Variants in C3 observed in about 807,000 individuals in gnomAD.
C3 encodes the protein complement C3, also known as C3 and PZP-like alpha-2-macroglobulin domain-containing protein 1.
A neutral mutation model predicts 207.9 loss-of-function variants in C3; 97 were observed. The observed-to-expected ratio is 0.47, with a 90% CI of 0.40 to 0.55. C3 has a LOEUF of 0.55. C3 is among the 20% of genes least tolerant of loss of function. C3 has a pLI of 0.00. For missense variants in C3, 1,684 were observed against 2,171.7 expected, an observed-to-expected ratio of 0.78 and a Z score of 4.46; for synonymous variants, 848 against 857.6, an observed-to-expected ratio of 0.99 and a Z score of 0.20.
At chr19:6,699,860 A>G (rs1967607300) in intron 19 of C3, among the ~76,000 whole-genome samples, 1 of 151,576 alleles carries the variant, frequency 6.6e-6, no homozygotes, top group Non-Finnish European at 1.5e-5. Context: ...TTGAAATGAT[A>G]CTATTTTGGG....
chr19:6,704,617 G>A (rs1967736295), intron 17 of C3, among the ~76,000 whole-genome samples: 1 of 152,056 alleles, frequency 6.6e-6, no homozygotes, highest in Non-Finnish European at 1.5e-5. Context: ...AAATTAGCTG[G>A]GTGTGGTGGC....
rs532856069 is a variant in C3, at chr19:6,682,351, G to A, written c.4173-122C>T. ...CTGATTCCCACATAGCAGCACAGAG[G>A]GGCGTTACATTTTTTAGGAAACATT... On this transcript the variant is annotated intron_variant, in intron 33 of 40. Coordinates refer to ENST00000245907, the MANE Select transcript of C3 (RefSeq NM_000064.4). The A allele has an allele frequency of 5.3e-5, 40 of 749,248 alleles. No individual in the cohort carries two copies. The African/African-American group carries it at 6.7e-4, about 13-fold the overall frequency. The allele number at this position is 749,248 out of a possible 1,614,324, so 46.4% of individuals were successfully genotyped here. A position where few individuals can be genotyped will look rare whatever the true frequency, so the allele number is the denominator to read the frequency against.
At position 6,696,706 on chromosome 19, in the gene C3, C is replaced by T. The variant is rs1239084112; in HGVS notation, c.2797-47G>A. On this transcript the variant is annotated intron_variant, in intron 21 of 40. Coordinates refer to ENST00000245907, the MANE Select transcript of C3 (RefSeq NM_000064.4). ...GGGAGTCGTTGGATGAATAAAAGAA[C>T]AGACAGACACACAGATGGTCAGCAG... The T allele has an allele frequency of 1.8e-5, 27 of 1,540,150 alleles. No individual in the cohort carries two copies. The Admixed American group carries it at 3.7e-4, about 21-fold the overall frequency.
chr19:6,678,004 T>TC lies in C3; in HGVS notation c.4869dup (p.Lys1624GlufsTer51). 6.2e-7 allele frequency: 1 copy of TC among 1,613,958 alleles called. No homozygotes were observed. The highest frequency in any genetic ancestry group is 8.5e-7 in the Non-Finnish European group (1 of 1,179,992). On this transcript the variant is annotated frameshift_variant, in exon 41 of 41. Coordinates refer to ENST00000245907, the MANE Select transcript of C3 (RefSeq NM_000064.4). LOFTEE classifies it high-confidence loss of function. ...GGCCAGTGCTCCACCCAAGTGTCCT[T>TC]CCCGATGATGTAGCTGAGGCTGGAG...
intron 21 of C3, 45 bp downstream of exon 21, chr19:6,697,299 G>GC (rs1356743438): frequency 7.1e-7 from 1 of 1,404,440 alleles, no homozygotes; most frequent in Non-Finnish European, 1.0e-6. Flanking sequence ...AAGACCAGGA[G>GC]CCCTCTCTGA....
At position 6,703,879 on chromosome 19, in the gene C3, C is replaced by T. The variant is rs1418320637; in HGVS notation, c.2246-1300G>A. ...ATGAGAATCTCTTGAATCCAGGAGGCGGAGGTTACAGTGAGCCGAGACTGC... is the reference window on the plus strand; with the variant it reads ...ATGAGAATCTCTTGAATCCAGGAGGTGGAGGTTACAGTGAGCCGAGACTGC... On this transcript the variant is annotated intron_variant, in intron 17 of 40. Coordinates refer to ENST00000245907, the MANE Select transcript of C3 (RefSeq NM_000064.4). 9.2e-5 allele frequency among the ~76,000 whole-genome samples: 14 copies of T among 151,992 alleles called. No homozygotes were observed. In the East Asian group the frequency reaches 1.2e-3, roughly 13 times the overall value.
At chr19:6,707,988 C>G (rs1023957920) in intron 14 of C3, 59 bp from the exon 15 acceptor site, 3 of 1,601,174 alleles carry the variant, frequency 1.9e-6, no homozygotes, top group Non-Finnish European at 2.6e-6. Flanking sequence ...TTGGGATCCC[C>G]CACATATGCA....
chr19:6,697,616 CAGCCTCCA>C, intron 20 of C3, 28 bp downstream of exon 20: 1 of 1,613,878 alleles, frequency 6.2e-7, no homozygotes, highest in Non-Finnish European at 8.5e-7. Flanking sequence ...TACCCCCTGG[CAGCCTCCA>C]AGAAGCCTCT....
In C3 at chr19:6,682,050, G is replaced by A. The variant is rs370410378; in HGVS notation, c.4261-20C>T. On this transcript the variant is annotated intron_variant, in intron 34 of 40. Transcript: ENST00000245907. ...GGCCAGCTGGGGAAAGGTGGAGCCTGTGAAAAATCCCTCCTGGACCCCTCT... is the reference window on the plus strand; with the variant it reads ...GGCCAGCTGGGGAAAGGTGGAGCCTATGAAAAATCCCTCCTGGACCCCTCT... 6.2e-7 allele frequency: 1 copy of A among 1,611,058 alleles called. No individual in the cohort carries two copies. The highest frequency in any genetic ancestry group is 1.1e-5 in the South Asian group (1 of 91,032).
At chr19:6,688,171 G>T (rs1034984086) in intron 27 of C3, among the ~76,000 whole-genome samples, 5 of 147,618 alleles carry the variant, frequency 3.4e-5, no homozygotes, top group Admixed American at 2.7e-4. Flanking sequence ...TCTCGCTCTG[G>T]CCCAGGCTGG....
intron 4 of C3, among the ~76,000 whole-genome samples, chr19:6,715,091 T>C (rs983140849): frequency 2.0e-5 from 3 of 152,086 alleles, no homozygotes; most frequent in African/African-American, 7.2e-5. Flanking sequence ...AGTAGTGTCA[T>C]TTCATTTGCT....
At chr19:6,682,555 T>C (rs1316999064) in intron 33 of C3, 2 of 365,622 alleles carry the variant, frequency 5.5e-6, no homozygotes, top group Non-Finnish European at 1.1e-5. Flanking sequence ...TCACTCTGCA[T>C]GATTCAGTTA....
At chr19:6,707,989 C>A (rs748011345) in intron 14 of C3, 60 bp from the exon 15 acceptor site, 569 of 1,599,618 alleles carry the variant, frequency 3.6e-4, no homozygotes, top group Non-Finnish European at 4.0e-4. Context: ...TGGGATCCCC[C>A]ACATATGCAC....
At chr19:6,713,615 G>T in intron 7 of C3, 106 bp from the exon 8 acceptor site, 1 of 882,892 alleles carries the variant, frequency 1.1e-6, no homozygotes. Flanking sequence ...ACCCACTGCT[G>T]GCCTCTCACC....
At chr19:6,717,679 TGTG>T (rs1469852639) in intron 4 of C3, 4 of 348,682 alleles carry the variant, frequency 1.1e-5, no homozygotes, top group African/African-American at 8.6e-5. Flanking sequence ...TGTGTTGTGT[TGTG>T]TGTGTTTTGT....
chr19:6,718,562 G>A, intron 2 of C3, 150 bp from the exon 3 acceptor site: 1 of 823,584 alleles, frequency 1.2e-6, no homozygotes. Flanking sequence ...GCATGTGAAG[G>A]AGGTGCGAGG....
intron 30 of C3, 24 bp from the exon 31 acceptor site, chr19:6,684,858 G>C (rs1480630428): frequency 6.2e-7 from 1 of 1,613,676 alleles, no homozygotes; most frequent in Non-Finnish European, 8.5e-7. Flanking sequence ...AGAGAGAAGA[G>C]AGCATGTTGG....
At chr19:6,692,134 C>T (rs77344981) in intron 26 of C3, among the ~76,000 whole-genome samples, 16,054 of 152,152 alleles carry the variant, frequency 0.11, 1,028 homozygotes, top group Non-Finnish European at 0.13. Context: ...GACAGGGTCT[C>T]ACTCTGTTAT....
chr19:6,695,268 C>CAAAAAAAA (rs59296902), intron 23 of C3, among the ~76,000 whole-genome samples: 1 of 107,232 alleles, frequency 9.3e-6, no homozygotes. Context: ...GACTCCGCCT[C>CAAAAAAAA]AAAAAAAAAA....
Sources: allele counts gnomAD v4.1 joint callset (sites outside exome capture counted in the v4.1 genomes callset), GRCh38; gene constraint gnomAD v4.1.1; transcripts MANE v1.5; gene names NCBI Gene and HGNC (gene_info 2026-07-23, HGNC 2026-07-21).